NPSR1: variants seen among roughly 807,000 people sequenced by gnomAD.
The protein encoded by NPSR1 is neuropeptide S receptor 1.
NPSR1 carries 48 observed loss-of-function variants against 46.9 expected under a neutral mutation model. The ratio of observed to expected loss-of-function variants is 1.02; its 90% CI spans 0.81 to 1.30. The LOEUF (loss-of-function observed/expected upper bound fraction) is 1.30, where lower values mean the gene tolerates loss of function less well. Ranked by LOEUF, NPSR1 falls within the 50% of genes most tolerant of loss-of-function variation. The pLI is 0.00. For missense variants in NPSR1, 450 were observed against 449.5 expected (o/e 1.00, Z -0.01); for synonymous variants, 176 against 168.1 (o/e 1.05, Z -0.36).
intron 3 of NPSR1, among the ~76,000 whole-genome samples, chr7:34,803,289 T>G (rs1223155724): frequency 2.6e-5 from 4 of 152,020 alleles, no homozygotes; most frequent in Non-Finnish European, 5.9e-5. Flanking sequence ...GCGGCACTAT[T>G]CACAATAGCA....
intron 2 of NPSR1, among the ~76,000 whole-genome samples, chr7:34,732,950 A>T (rs1371651473): frequency 6.6e-6 from 1 of 152,264 alleles, no homozygotes; most frequent in Non-Finnish European, 1.5e-5. Context: ...GAAGAAAAAT[A>T]TTAACACATC....
chr7:34,791,005 T>C (rs1481934501), intron 3 of NPSR1, among the ~76,000 whole-genome samples: 1 of 123,610 alleles, frequency 8.1e-6, no homozygotes, highest in African/African-American at 3.3e-5. Context: ...TTATATGTTA[T>C]ATGTTATATT....
chr7:34,826,816 G>T (rs569575331), intron 4 of NPSR1, among the ~76,000 whole-genome samples: 1 of 150,100 alleles, frequency 6.7e-6, no homozygotes, highest in Non-Finnish European at 1.5e-5. Context: ...GGCTGGTTTT[G>T]AATGCACCCT....
intron 2 of NPSR1, among the ~76,000 whole-genome samples, chr7:34,735,179 A>G (rs1784611565): frequency 6.6e-6 from 1 of 152,196 alleles, no homozygotes; most frequent in South Asian, 2.1e-4. Context: ...AGGGTAGGCA[A>G]AAACAACAGA....
At chr7:34,681,238 C>T (rs1048036280) in intron 1 of NPSR1, among the ~76,000 whole-genome samples, 1 of 152,138 alleles carries the variant, frequency 6.6e-6, no homozygotes, top group African/African-American at 2.4e-5. Flanking sequence ...GAAATGCCAA[C>T]ATTCTTTTTG....
chr7:34,660,729 C>T (rs34292048), intron 1 of NPSR1, among the ~76,000 whole-genome samples: 86 of 152,328 alleles, frequency 5.6e-4, no homozygotes, highest in African/African-American at 2.0e-3. Flanking sequence ...TCATTTAATT[C>T]TCACAATCCA....
At chr7:34,659,795 C>T (rs1791362215) in intron 1 of NPSR1, among the ~76,000 whole-genome samples, 1 of 152,126 alleles carries the variant, frequency 6.6e-6, no homozygotes, top group East Asian at 1.9e-4. Context: ...TGAATAATCC[C>T]CTTTATGAAA....
chr7:34,829,006 T>C (rs1349813532), intron 5 of NPSR1, among the ~76,000 whole-genome samples: 1 of 152,238 alleles, frequency 6.6e-6, no homozygotes, highest in Non-Finnish European at 1.5e-5. Context: ...ATTGTTTTAA[T>C]ATGCATTTCT....
chr7:34,806,526 G>A (rs530438619), intron 3 of NPSR1, among the ~76,000 whole-genome samples: 6 of 152,230 alleles, frequency 3.9e-5, no homozygotes, highest in Admixed American at 2.0e-4. Context: ...GAGATGAATA[G>A]ATAAAAGCAG....
chr7:34,813,516 G>A (rs1025105529), intron 4 of NPSR1, among the ~76,000 whole-genome samples: 1 of 152,134 alleles, frequency 6.6e-6, no homozygotes, highest in Non-Finnish European at 1.5e-5. Context: ...GCAGTAATAT[G>A]CATCAACATG....
At chr7:34,805,479 CAAAAAAAA>C (rs57776086) in intron 3 of NPSR1, among the ~76,000 whole-genome samples, 2 of 71,948 alleles carry the variant, frequency 2.8e-5, no homozygotes, top group East Asian at 1.0e-3. Context: ...TATCCACATG[CAAAAAAAA>C]AAAAAAAAAA....
chr7:34,815,133 G>A (rs968792634), intron 4 of NPSR1, among the ~76,000 whole-genome samples: 10 of 152,164 alleles, frequency 6.6e-5, no homozygotes, highest in Admixed American at 2.0e-4. Flanking sequence ...CGAGCTAAAG[G>A]AGCATGTTCA....
At chr7:34,781,927 C>A (rs1430787947) in intron 3 of NPSR1, among the ~76,000 whole-genome samples, 1 of 152,210 alleles carries the variant, frequency 6.6e-6, no homozygotes, top group African/African-American at 2.4e-5. Context: ...GAGCTAGCCC[C>A]ATCCAGGCCT....
intron 6 of NPSR1, among the ~76,000 whole-genome samples, chr7:34,837,000 T>C (rs1355866018): frequency 1.3e-5 from 2 of 151,968 alleles, no homozygotes; most frequent in Non-Finnish European, 2.9e-5. Context: ...TGTGCACATA[T>C]TTTTACTTAG....
chr7:34,664,588 T>C (rs1791642846), intron 1 of NPSR1, among the ~76,000 whole-genome samples: 4 of 150,402 alleles, frequency 2.7e-5, no homozygotes, highest in Admixed American at 1.3e-4. Flanking sequence ...ACAATGGTCA[T>C]GAATTAAGCT....
At chr7:34,679,097 T>G (rs980126945) in intron 1 of NPSR1, among the ~76,000 whole-genome samples, 8 of 151,392 alleles carry the variant, frequency 5.3e-5, no homozygotes, top group African/African-American at 2.0e-4. Context: ...TGTCTTAAAT[T>G]TTTTAAAGTT....
At position 34,778,563 on chromosome 7, in the gene NPSR1, C is replaced by A; in HGVS notation, c.382C>A (p.Gln128Lys). 6.3e-7 allele frequency: 1 copy of A among 1,595,628 alleles called. No individual in the cohort carries two copies. The highest frequency in any genetic ancestry group is 8.6e-7 in the Non-Finnish European group (1 of 1,163,862). Reference protein sequence around the residue: ...DLVCRVVRYLQVVLLYASTYV... With the variant: ...DLVCRVVRYLKVVLLYASTYV... ...GGTTTGCCGAGTGGTCCGCTATTTGCAGGTATGTCACACCTTCCAAATGTG... is the reference window on the plus strand; with the variant it reads ...GGTTTGCCGAGTGGTCCGCTATTTGAAGGTATGTCACACCTTCCAAATGTG... The change falls in exon 3 of 9, where the codon CAG (glutamine) becomes AAG (lysine). Residue 128 changes from glutamine to lysine, a missense_variant and splice_region_variant. Gln to Lys is a moderately conservative substitution (Grantham distance 53, BLOSUM62 1). Transcript: ENST00000360581.
At position 34,743,816 on chromosome 7, in the gene NPSR1, C is replaced by A. The variant is rs543602760; in HGVS notation, c.281-34646C>A. 2.5e-3 allele frequency among the ~76,000 whole-genome samples: 380 copies of A among 152,154 alleles called. 1 individual carries two copies. Among genetic ancestry groups the A allele is most frequent in the African/African-American group, 8.5e-3 (354 of 41,516 alleles). On this transcript the variant is annotated intron_variant, in intron 2 of 8. Coordinates refer to ENST00000360581, the MANE Select transcript of NPSR1 (RefSeq NM_207172.2). The stretch of plus-strand genomic sequence containing the variant: ...CTTTTTAATTTTCAAAAGTACCAGG[C>A]TTGTCTAGTTATATTTTTGTTATCA...
rs944179217 is a variant in NPSR1, at chr7:34,691,742, T to C, written c.280+7058T>C. Among the ~76,000 whole-genome samples, 5 of 151,690 alleles carry C rather than the reference T, an allele frequency of 3.3e-5. No individual in the cohort carries two copies. The East Asian group carries it at 9.7e-4, about 29-fold the overall frequency. On this transcript the variant is annotated intron_variant, in intron 2 of 8. Transcript: ENST00000360581. ...TTACGACTACATATAAGAACAAAGA[T>C]GAATAGAAAAAAAATAGTGGTCTTC... is the stretch of plus-strand genomic sequence containing the variant.
Sources: gnomAD v4.1 joint callset for allele counts (sites outside exome capture counted in the v4.1 genomes callset) on GRCh38, gnomAD v4.1.1 for gene constraint, MANE v1.5 for transcripts, NCBI Gene and HGNC (gene_info 2026-07-23, HGNC 2026-07-21) for gene names.